SLC35F1: variants seen among roughly 807,000 people sequenced by gnomAD.
SLC35F1 encodes the protein chromosome 6 open reading frame 169.
SLC35F1 carries 14 observed loss-of-function variants against 48.7 expected under a neutral mutation model. The ratio of observed to expected loss-of-function variants is 0.29; its 90% CI spans 0.19 to 0.45. SLC35F1 has a LOEUF of 0.45. Ranked by LOEUF, SLC35F1 falls within the 20% of genes least tolerant of loss-of-function variation. The pLI, the probability that SLC35F1 is intolerant of heterozygous loss-of-function variation, is 1.00. For synonymous variants in SLC35F1, 190 were observed against 202.2 expected, an observed-to-expected ratio of 0.94 and a Z score of 0.51; for missense variants, 404 against 500.0, an observed-to-expected ratio of 0.81 and a Z score of 1.83.
At chr6:117,947,993 A>G (rs1257393582) in intron 1 of SLC35F1, among the ~76,000 whole-genome samples, 1 of 152,152 alleles carries the variant, frequency 6.6e-6, no homozygotes, top group Non-Finnish European at 1.5e-5. Flanking sequence ...GAACCAGCAA[A>G]GAGATTAAGA....
In SLC35F1 at chr6:118,226,079, C is replaced by T. The variant is rs767373314; in HGVS notation, c.350-9430C>T. On this transcript the variant is annotated intron_variant, in intron 2 of 7. Coordinates refer to ENST00000360388, the MANE Select transcript of SLC35F1 (RefSeq NM_001029858.4). ...TGGGAAAAGACCTAAAAACACATTT[C>T]TCAAAAGATGGAACAAATGGCCAAC... 1.2e-4 allele frequency among the ~76,000 whole-genome samples: 19 copies of T among 152,088 alleles called. 1 individual carries two copies. Among genetic ancestry groups the T allele is most frequent in the Non-Finnish European group, 2.5e-4 (17 of 68,008 alleles).
intron 2 of SLC35F1, among the ~76,000 whole-genome samples, chr6:118,180,424 G>T (rs1765445183): frequency 6.6e-6 from 1 of 151,928 alleles, no homozygotes; most frequent in African/African-American, 2.4e-5. Context: ...ACTAGATAAA[G>T]AATTAAAGTA....
intron 1 of SLC35F1, among the ~76,000 whole-genome samples, chr6:118,142,327 A>G (rs1773902784): frequency 6.6e-6 from 1 of 152,206 alleles, no homozygotes; most frequent in South Asian, 2.1e-4. Context: ...ACACATATAT[A>G]TGGTAAAATA....
intron 3 of SLC35F1, among the ~76,000 whole-genome samples, chr6:118,236,860 CAGA>C (rs1282168797): frequency 6.6e-6 from 1 of 152,208 alleles, no homozygotes; most frequent in Non-Finnish European, 1.5e-5. Flanking sequence ...CATGAGACTC[CAGA>C]AGGAGTGCAT....
intron 2 of SLC35F1, among the ~76,000 whole-genome samples, chr6:118,170,324 T>C (rs1208588425): frequency 6.6e-6 from 1 of 152,236 alleles, no homozygotes; most frequent in Non-Finnish European, 1.5e-5. Flanking sequence ...ATAGAATAGA[T>C]ATAACATGCT....
intron 7 of SLC35F1, among the ~76,000 whole-genome samples, chr6:118,296,529 C>G (rs778149017): frequency 3.3e-5 from 5 of 152,190 alleles, no homozygotes; most frequent in Non-Finnish European, 7.3e-5. Context: ...CTAGCAATTT[C>G]CATTTCCCAG....
At chr6:118,266,900 GA>G in intron 3 of SLC35F1, 94 bp from the exon 4 acceptor site, 1 of 1,400,374 alleles carries the variant, frequency 7.1e-7, no homozygotes, top group African/African-American at 1.4e-5. Flanking sequence ...GGGAAAGGCA[GA>G]ACCCTTTCTG....
At position 118,281,204 on chromosome 6, in the gene SLC35F1, C is replaced by CTCTATA. The variant is rs367855949; in HGVS notation, c.847+3659_847+3660insCTATAT. 7.1e-3 allele frequency among the ~76,000 whole-genome samples: 931 copies of CTCTATA among 130,430 alleles called. 2 individuals are homozygous for CTCTATA. Among genetic ancestry groups the CTCTATA allele is most frequent in the Middle Eastern group, 0.013 (3 of 238 alleles). The allele number at this position is 130,430 out of a possible 152,430, so 85.6% of individuals were successfully genotyped here. A position where few individuals can be genotyped will look rare whatever the true frequency, so the allele number is the denominator to read the frequency against. ...TCTCTCTCTCTCTCTCTCTCTCTCT[C>CTCTATA]TATATATATATATATATAAAATATT... On this transcript the variant is annotated intron_variant, in intron 6 of 7. Transcript: ENST00000360388.
intron 1 of SLC35F1, among the ~76,000 whole-genome samples, chr6:117,923,720 T>TGTAC (rs1297237675): frequency 0.22 from 1,224 of 5,600 alleles, 292 homozygotes; most frequent in Admixed American, 0.39. Flanking sequence ...CATATATACA[T>TGTAC]ATATACATAT....
intron 4 of SLC35F1, among the ~76,000 whole-genome samples, chr6:118,269,539 G>T (rs73768619): frequency 0.044 from 6,743 of 151,638 alleles, 396 homozygotes; most frequent in African/African-American, 0.14. Context: ...AGCCATCACA[G>T]AGAACATATT....
intron 2 of SLC35F1, among the ~76,000 whole-genome samples, chr6:118,224,066 G>A (rs1775184953): frequency 6.6e-6 from 1 of 152,132 alleles, no homozygotes; most frequent in Non-Finnish European, 1.5e-5. Context: ...ATGGGATTAA[G>A]GAAAGGAAAA....
At chr6:118,092,734 G>A (rs1373397149) in intron 1 of SLC35F1, among the ~76,000 whole-genome samples, 2 of 152,176 alleles carry the variant, frequency 1.3e-5, no homozygotes, top group Non-Finnish European at 2.9e-5. Flanking sequence ...GTCAAATGAG[G>A]TCATTTTGGA....
chr6:118,260,474 A>G (rs1267392532), intron 3 of SLC35F1, among the ~76,000 whole-genome samples: 1 of 152,062 alleles, frequency 6.6e-6, no homozygotes, highest in Non-Finnish European at 1.5e-5. Context: ...AAAGAAGGCA[A>G]CTTCTTTTGG....
At chr6:118,116,825 C>T (rs1253930430) in intron 1 of SLC35F1, among the ~76,000 whole-genome samples, 1 of 152,142 alleles carries the variant, frequency 6.6e-6, no homozygotes, top group Non-Finnish European at 1.5e-5. Context: ...AGATAGGAGA[C>T]CATTAATGAT....
At chr6:117,924,777 CTACA>C (rs1776007122) in intron 1 of SLC35F1, among the ~76,000 whole-genome samples, 1 of 152,052 alleles carries the variant, frequency 6.6e-6, no homozygotes, top group South Asian at 2.1e-4. Context: ...AAGGATCTGC[CTACA>C]TAAAGAAGAA....
At chr6:118,168,811 TC>T (rs1304264309) in intron 2 of SLC35F1, among the ~76,000 whole-genome samples, 1 of 152,152 alleles carries the variant, frequency 6.6e-6, no homozygotes, top group Non-Finnish European at 1.5e-5. Context: ...TTCTAACAAG[TC>T]CCATAAAATA....
At position 118,258,647 on chromosome 6, in the gene SLC35F1, T is replaced by C. The variant is rs555269526; in HGVS notation, c.478-8348T>C. Among the ~76,000 whole-genome samples the C allele has an allele frequency of 1.1e-4, 17 of 152,094 alleles. No individual in the cohort carries two copies. The South Asian group carries it at 3.3e-3, about 30-fold the overall frequency. ...GAAAACCAATTTGCCTTAGAAAACA[T>C]TAAAAATGCATTGGTAAAGCTACAG... On this transcript the variant is annotated intron_variant, in intron 3 of 7. Coordinates refer to ENST00000360388, the MANE Select transcript of SLC35F1 (RefSeq NM_001029858.4).
At chr6:118,119,221 T>C (rs913538489) in intron 1 of SLC35F1, among the ~76,000 whole-genome samples, 1 of 152,150 alleles carries the variant, frequency 6.6e-6, no homozygotes, top group African/African-American at 2.4e-5. Flanking sequence ...ATATACCCAA[T>C]GACGTAAAAT....
At chr6:118,002,647 C>A (rs1256472666) in intron 1 of SLC35F1, among the ~76,000 whole-genome samples, 1 of 151,680 alleles carries the variant, frequency 6.6e-6, no homozygotes, top group East Asian at 1.9e-4. Context: ...GAATTTCTTT[C>A]TTTCTAGTTT....
Sources: gnomAD v4.1 joint callset for allele counts (sites outside exome capture counted in the v4.1 genomes callset) on GRCh38, gnomAD v4.1.1 for gene constraint, MANE v1.5 for transcripts, NCBI Gene and HGNC (gene_info 2026-07-23, HGNC 2026-07-21) for gene names.